The following ORC5 variants were observed in gnomAD, a reference collection of about 807,000 sequenced individuals.
The protein encoded by ORC5 is origin recognition complex subunit 5, also known as protein phosphatase 1, regulatory subunit 117.
A neutral mutation model predicts 58.8 loss-of-function variants in ORC5; 39 were observed. The observed-to-expected ratio is 0.66, with a 90% CI of 0.51 to 0.87. ORC5 has a LOEUF of 0.87. Ranked by LOEUF, ORC5 falls within the 40% of genes least tolerant of loss-of-function variation. The probability of loss-of-function intolerance (pLI) is 0.00; values close to 1 mark genes in which losing one functional copy is unlikely to be tolerated. For missense variants in ORC5, 493 were observed against 506.3 expected (o/e 0.97, Z 0.25); for synonymous variants, 218 against 177.6 (o/e 1.23, Z -1.81).
chr7:104,141,259 T>C (rs775158075), intron 12 of ORC5, among the ~76,000 whole-genome samples: 2 of 152,138 alleles, frequency 1.3e-5, no homozygotes, highest in Non-Finnish European at 2.9e-5. Flanking sequence ...CCCATTAACT[T>C]AGAAATCTGG....
Position 104,195,271 on chromosome 7 carries a change from A to G in ORC5, c.442-17T>C. On this transcript the variant is annotated splice_polypyrimidine_tract_variant and intron_variant, in intron 4 of 13. Coordinates refer to ENST00000297431, the MANE Select transcript of ORC5 (RefSeq NM_002553.4). ...TCTGTCAGCCTGTAAAAAGAAAGAAATAAAAGTAACTTCGCATTTAAAAAT... is the reference window on the plus strand; with the variant it reads ...TCTGTCAGCCTGTAAAAAGAAAGAAGTAAAAGTAACTTCGCATTTAAAAAT... 4 of 1,436,990 alleles carry G rather than the reference A, an allele frequency of 2.8e-6. No homozygotes were observed. Among genetic ancestry groups the G allele is most frequent in the Non-Finnish European group, 3.8e-6 (4 of 1,062,366 alleles). 89.0% of individuals were successfully genotyped at this position (1,436,990 alleles called of 1,614,324 possible).
intron 12 of ORC5, among the ~76,000 whole-genome samples, chr7:104,157,813 G>A (rs1481113872): frequency 6.6e-6 from 1 of 152,066 alleles, no homozygotes; most frequent in Non-Finnish European, 1.5e-5. Context: ...GTGTTACTAT[G>A]ATGCTACTAT....
intron 5 of ORC5, among the ~76,000 whole-genome samples, chr7:104,188,884 T>C (rs772170625): frequency 9.2e-5 from 14 of 152,070 alleles, no homozygotes; most frequent in Non-Finnish European, 1.6e-4. Flanking sequence ...TCCCCCTTCA[T>C]GCTCTCTCTC....
chr7:104,207,408 G>A (rs1297067111), intron 1 of ORC5, among the ~76,000 whole-genome samples: 1 of 150,870 alleles, frequency 6.6e-6, no homozygotes, highest in South Asian at 2.1e-4. Context: ...GCCCTTAGTG[G>A]CCTTGAAAGC....
intron 12 of ORC5, among the ~76,000 whole-genome samples, chr7:104,153,885 T>C (rs1798882967): frequency 6.6e-6 from 1 of 152,138 alleles, no homozygotes; most frequent in Non-Finnish European, 1.5e-5. Flanking sequence ...AGATTTCTAG[T>C]GTTATCTGAC....
intron 8 of ORC5, among the ~76,000 whole-genome samples, chr7:104,170,917 T>A (rs575116113): frequency 6.6e-6 from 1 of 152,322 alleles, no homozygotes; most frequent in East Asian, 1.9e-4. Context: ...CCTCTTTTTT[T>A]AGTTTTGTTC....
At position 104,203,824 on chromosome 7, in the gene ORC5, A is replaced by G. The variant is rs28401171; in HGVS notation, c.165+318T>C. Among the ~76,000 whole-genome samples the G allele has an allele frequency of 8.3e-3, 1,271 of 152,346 alleles. 24 individuals are homozygous for G. Among genetic ancestry groups the G allele is most frequent in the African/African-American group, 0.029 (1,209 of 41,570 alleles). On this transcript the variant is annotated intron_variant, in intron 2 of 13. Transcript: ENST00000297431. ...GGCTTACAGAAATACATGGAAAAAA[A>G]ACAATGGTAAATGAAAATCCTAGCA...
At chr7:104,192,169 T>G (rs554519825) in intron 5 of ORC5, among the ~76,000 whole-genome samples, 65 of 152,130 alleles carry the variant, frequency 4.3e-4, no homozygotes, top group South Asian at 8.3e-4. Context: ...GGAGCTGAGG[T>G]AGCTAGAATT....
intron 8 of ORC5, among the ~76,000 whole-genome samples, chr7:104,172,816 C>T (rs1024008184): frequency 2.6e-5 from 4 of 152,092 alleles, no homozygotes; most frequent in Non-Finnish European, 5.9e-5. Flanking sequence ...TATGTGCCAC[C>T]ATGTCTCTCC....
chr7:104,187,130 T>C (rs561204107), intron 6 of ORC5, among the ~76,000 whole-genome samples: 1 of 152,308 alleles, frequency 6.6e-6, no homozygotes, highest in South Asian at 2.1e-4. Flanking sequence ...AGGAGGATTA[T>C]CTGCTCCTAA....
rs1453605609 is a variant in ORC5, at chr7:104,207,991, C to A, written c.-87G>T. ...AGCCTCTCCCGAGTCTGGCGGCCCA[C>A]GCTCCCGCCGGAAACCGGACCCGCA... On this transcript the variant is annotated 5_prime_UTR_variant, in exon 1 of 14. Coordinates refer to ENST00000297431, the MANE Select transcript of ORC5 (RefSeq NM_002553.4). 5.4e-6 allele frequency: 7 copies of A among 1,306,668 alleles called. No homozygotes were observed. Among genetic ancestry groups the A allele is most frequent in the South Asian group, 1.2e-5 (1 of 81,570 alleles). The allele number at this position is 1,306,668 out of a possible 1,614,324, so 80.9% of individuals were successfully genotyped here. A position where few individuals can be genotyped will look rare whatever the true frequency, so the allele number is the denominator to read the frequency against.
Position 104,129,513 on chromosome 7 carries a change from G to A in ORC5, c.1263-2620C>T, listed in dbSNP as rs986344039. Among the ~76,000 whole-genome samples, 1 of 152,074 alleles carries A rather than the reference G, an allele frequency of 6.6e-6. No homozygotes were observed. Among genetic ancestry groups the A allele is most frequent in the African/African-American group, 2.4e-5 (1 of 41,374 alleles). On this transcript the variant is annotated intron_variant, in intron 13 of 13. Transcript: ENST00000297431. This position sits in a 1 kb window ranked among gnomAD's most constrained non-coding sequence, Gnocchi z 4.9. ...AATATAAATAGGTAACTTGCCAATT[G>A]ATCTCACATATATTATTTTAAGACA...
chr7:104,148,806 G>A (rs952248085), intron 12 of ORC5, among the ~76,000 whole-genome samples: 123 of 152,298 alleles, frequency 8.1e-4, no homozygotes, highest in African/African-American at 2.7e-3. Context: ...GGCCGAGGCA[G>A]GCAGATCACT....
chr7:104,205,774 T>C (rs1800064668), intron 1 of ORC5, among the ~76,000 whole-genome samples: 1 of 152,196 alleles, frequency 6.6e-6, no homozygotes, highest in Admixed American at 6.5e-5. Context: ...CCCAACACTT[T>C]GGGAGGCCAA....
intron 3 of ORC5, 35 bp from the exon 4 acceptor site, chr7:104,197,834 G>A (rs1318470441): frequency 1.5e-6 from 2 of 1,340,548 alleles, no homozygotes; most frequent in African/African-American, 1.5e-5. Flanking sequence ...AAAAAGAAAT[G>A]CATTTACAAA....
At chr7:104,145,077 G>A (rs1463989127) in intron 12 of ORC5, among the ~76,000 whole-genome samples, 1 of 152,134 alleles carries the variant, frequency 6.6e-6, no homozygotes, top group African/African-American at 2.4e-5. Flanking sequence ...GGGATACAGG[G>A]GTCTTTGGGG....
At chr7:104,196,802 A>G (rs1019430677) in intron 4 of ORC5, among the ~76,000 whole-genome samples, 24 of 152,222 alleles carry the variant, frequency 1.6e-4, no homozygotes, top group African/African-American at 5.5e-4. Flanking sequence ...AATACGAACT[A>G]TAAAACCAAT....
At chr7:104,170,588 G>A (rs1248558800) in intron 8 of ORC5, among the ~76,000 whole-genome samples, 1 of 152,178 alleles carries the variant, frequency 6.6e-6, no homozygotes, top group East Asian at 1.9e-4. Context: ...GAAAAGCCCT[G>A]TGGACCTGTT....
At chr7:104,155,707 A>C (rs2115828831) in intron 12 of ORC5, among the ~76,000 whole-genome samples, 1 of 151,772 alleles carries the variant, frequency 6.6e-6, no homozygotes, top group Admixed American at 6.6e-5. Context: ...AAATAAAGCA[A>C]TATGGCTTTG....
Sources: gnomAD v4.1 joint callset for allele counts (sites outside exome capture counted in the v4.1 genomes callset) on GRCh38, gnomAD v4.1.1 for gene constraint, Gnocchi (gnomAD v3.1) non-coding constraint, MANE v1.5 for transcripts, NCBI Gene and HGNC (gene_info 2026-07-23, HGNC 2026-07-21) for gene names.